The following LOC128092252 variants were observed in gnomAD, a reference collection of about 807,000 sequenced individuals.
the LOC128092252 span, among the ~76,000 whole-genome samples, chr15:50,653,334 T>G: frequency 6.6e-6 from 1 of 152,186 alleles, no homozygotes; most frequent in African/African-American, 2.4e-5. Context: ...CTGTTCATTA[T>G]AAGCACTGTC....
At chr15:50,659,751 T>G in the LOC128092252 span, among the ~76,000 whole-genome samples, 11 of 152,162 alleles carry the variant, frequency 7.2e-5, no homozygotes, top group African/African-American at 2.4e-4. Flanking sequence ...CACTGCAACC[T>G]CCGTCTCCTG....
chr15:50,655,918 A>G, the LOC128092252 span, among the ~76,000 whole-genome samples: 1 of 151,748 alleles, frequency 6.6e-6, no homozygotes, highest in Non-Finnish European at 1.5e-5. Flanking sequence ...TGAACCTGGG[A>G]GGCAAAGGTT....
At chr15:50,656,940 G>A in the LOC128092252 span, among the ~76,000 whole-genome samples, 1 of 152,096 alleles carries the variant, frequency 6.6e-6, no homozygotes, top group South Asian at 2.1e-4. Context: ...CTTACTTCAG[G>A]TTCTCATCTT....
chr15:50,664,942 T>C, the LOC128092252 span, among the ~76,000 whole-genome samples: 1 of 152,216 alleles, frequency 6.6e-6, no homozygotes, highest in East Asian at 1.9e-4. Flanking sequence ...TCCAGCCTCG[T>C]TGACAGAGCA....
chr15:50,676,086 T>C, the LOC128092252 span, among the ~76,000 whole-genome samples: 7 of 152,344 alleles, frequency 4.6e-5, no homozygotes, highest in East Asian at 1.9e-4. Flanking sequence ...ATTTCAACTA[T>C]GATGGTGATC....
chr15:50,669,208 G>A, the LOC128092252 span, among the ~76,000 whole-genome samples: 3 of 152,266 alleles, frequency 2.0e-5, no homozygotes, highest in African/African-American at 7.2e-5. Context: ...TTGGGAGGCT[G>A]AGGTAGGTGG....
At chr15:50,655,003 A>G in the LOC128092252 span, among the ~76,000 whole-genome samples, 1 of 148,508 alleles carries the variant, frequency 6.7e-6, no homozygotes, top group African/African-American at 2.4e-5. Context: ...TCCGTCTCAA[A>G]AAAAAAAAAA....
chr15:50,655,000 CA>C, the LOC128092252 span, among the ~76,000 whole-genome samples: 1,406 of 69,406 alleles, frequency 0.02, 16 homozygotes, highest in African/African-American at 0.076. Context: ...CACTCCGTCT[CA>C]AAAAAAAAAA....
At chr15:50,677,966 G>A in the LOC128092252 span, among the ~76,000 whole-genome samples, 1 of 151,812 alleles carries the variant, frequency 6.6e-6, no homozygotes, top group East Asian at 1.9e-4. Flanking sequence ...TTGGCTGGGC[G>A]CAGTGGCTCA....
chr15:50,654,731 G>A, the LOC128092252 span, among the ~76,000 whole-genome samples: 1 of 150,788 alleles, frequency 6.6e-6, no homozygotes, highest in Non-Finnish European at 1.5e-5. Context: ...GGGCGCAGTG[G>A]CTCACGCCTG....
the LOC128092252 span, among the ~76,000 whole-genome samples, chr15:50,679,532 ATATATAT>A: frequency 2.8e-3 from 95 of 33,372 alleles, 1 homozygote; most frequent in South Asian, 0.015. Flanking sequence ...ATATATATAT[ATATATAT>A]TTTTTTTTTT....
At chr15:50,682,173 C>CAAAAAAAAAAAAA in the LOC128092252 span, among the ~76,000 whole-genome samples, 1,967 of 63,266 alleles carry the variant, frequency 0.031, 193 homozygotes, top group Middle Eastern at 0.054. Flanking sequence ...AACTCAGTCT[C>CAAAAAAAAAAAAA]AAAAAAAAAA....
chr15:50,662,815 T>A, the LOC128092252 span: 1 of 665,694 alleles, frequency 1.5e-6, no homozygotes, highest in Admixed American at 2.9e-5. Flanking sequence ...CTCCTCCCAA[T>A]CCCTCCCAAA....
the LOC128092252 span, among the ~76,000 whole-genome samples, chr15:50,651,583 G>A: frequency 0.029 from 4,490 of 152,236 alleles, 245 homozygotes; most frequent in African/African-American, 0.1. Flanking sequence ...GATTGCTTAA[G>A]CCCAGGAATT....
the LOC128092252 span, among the ~76,000 whole-genome samples, chr15:50,680,108 C>T: frequency 6.6e-6 from 1 of 151,900 alleles, no homozygotes; most frequent in Non-Finnish European, 1.5e-5. Context: ...GTGGCGGGTG[C>T]CTGTAATCCT....
the LOC128092252 span, among the ~76,000 whole-genome samples, chr15:50,661,877 T>C: frequency 6.6e-6 from 1 of 152,204 alleles, no homozygotes; most frequent in East Asian, 1.9e-4. Context: ...AGGAAATAAC[T>C]ATATCTTAGA....
the LOC128092252 span, among the ~76,000 whole-genome samples, chr15:50,668,242 G>A: frequency 6.6e-6 from 1 of 152,152 alleles, no homozygotes; most frequent in Non-Finnish European, 1.5e-5. Flanking sequence ...TGTCATGGAG[G>A]GCTGGAATGT....
At chr15:50,655,542 A>G in the LOC128092252 span, among the ~76,000 whole-genome samples, 1 of 152,084 alleles carries the variant, frequency 6.6e-6, no homozygotes, top group South Asian at 2.1e-4. Context: ...ACTCTCAGGC[A>G]TATTATAGAC....
chr15:50,654,654 A>C, the LOC128092252 span, among the ~76,000 whole-genome samples: 1 of 151,410 alleles, frequency 6.6e-6, no homozygotes, highest in African/African-American at 2.4e-5. Context: ...AACTATAACA[A>C]AGAATCAAAT....
Sources: gnomAD v4.1 joint callset for allele counts (sites outside exome capture counted in the v4.1 genomes callset) on GRCh38, gnomAD v4.1.1 for gene constraint, MANE v1.5 for transcripts.